XKR9: variants seen among roughly 807,000 people sequenced by gnomAD.
The protein encoded by XKR9 is XK-related protein 9.
In XKR9, 32 loss-of-function variants were observed where a neutral mutation model predicts 32.0. The observed-to-expected ratio is 1.00, with a 90% CI of 0.76 to 1.34. The LOEUF (loss-of-function observed/expected upper bound fraction) is 1.34, where lower values mean the gene tolerates loss of function less well. Ranked by LOEUF, XKR9 falls within the 40% of genes most tolerant of loss-of-function variation. The pLI, the probability that XKR9 is intolerant of heterozygous loss-of-function variation, is 0.00. For synonymous variants in XKR9, 168 were observed against 143.4 expected, an observed-to-expected ratio of 1.17 and a Z score of -1.22; for missense variants, 546 against 429.7, an observed-to-expected ratio of 1.27 and a Z score of -2.39.
chr8:70,871,725 G>C, the XKR9 span, among the ~76,000 whole-genome samples: 1 of 152,006 alleles, frequency 6.6e-6, no homozygotes, highest in Non-Finnish European at 1.5e-5. Context: ...CCATACAATG[G>C]CCTATAAGTA....
chr8:70,951,512 T>C, the XKR9 span, among the ~76,000 whole-genome samples: 1 of 152,256 alleles, frequency 6.6e-6, no homozygotes, highest in East Asian at 1.9e-4. Flanking sequence ...CTTGAGCTCA[T>C]CATATTTACA....
chr8:70,745,576 A>C (rs1807047405), intron 2 of XKR9, among the ~76,000 whole-genome samples: 1 of 152,058 alleles, frequency 6.6e-6, no homozygotes, highest in Non-Finnish European at 1.5e-5. Context: ...TAGGGCTTGA[A>C]ATTTGCGTGT....
intron 3 of XKR9, among the ~76,000 whole-genome samples, chr8:70,697,352 T>G (rs373178114): frequency 2.2e-5 from 3 of 134,764 alleles, no homozygotes; most frequent in Admixed American, 7.4e-5. Flanking sequence ...TTTTGAGATA[T>G]GTCCCATCAA....
intron 2 of XKR9, among the ~76,000 whole-genome samples, chr8:70,780,355 A>G (rs1027709001): frequency 2.0e-5 from 3 of 152,074 alleles, no homozygotes; most frequent in Non-Finnish European, 4.4e-5. Flanking sequence ...CTTTTCTAAT[A>G]TAACCATTTA....
rs147819305 is a variant in XKR9 at position 70,706,950 on chromosome 8, A to G, written c.290A>G (p.Lys97Arg). Reference sequence around the variant, plus strand: ...CTTTATAGGTATTGGTTTGCCTTAAAAAGGGGTTACCATGCAGCTTTTAAA... The same window carrying G: ...CTTTATAGGTATTGGTTTGCCTTAAGAAGGGGTTACCATGCAGCTTTTAAA... ...GVFTRYWFAL[K>R]RGYHAAFKYD... The change falls in exon 4 of 5, where the codon AAA (lysine) becomes AGA (arginine). Residue 97 changes from lysine (K) to arginine (R), a missense_variant. Transcript: ENST00000408926. 1.8e-5 allele frequency: 29 copies of G among 1,612,212 alleles called. No homozygotes were observed. The highest frequency in any genetic ancestry group is 2.4e-5 in the Non-Finnish European group (28 of 1,178,910).
chr8:70,943,765 G>A, the XKR9 span, among the ~76,000 whole-genome samples: 254 of 152,110 alleles, frequency 1.7e-3, no homozygotes, highest in Non-Finnish European at 2.6e-3. Context: ...TTATGAAAAC[G>A]TTTAGAAATC....
the XKR9 span, among the ~76,000 whole-genome samples, chr8:70,987,196 T>C: frequency 6.6e-6 from 1 of 152,152 alleles, no homozygotes; most frequent in Non-Finnish European, 1.5e-5. Context: ...CCAAATCTCA[T>C]GTCCTCATAT....
the XKR9 span, among the ~76,000 whole-genome samples, chr8:70,946,908 A>G: frequency 6.6e-6 from 1 of 152,190 alleles, no homozygotes; most frequent in Non-Finnish European, 1.5e-5. Context: ...AAGTTTTAAT[A>G]TGGAATGGGT....
the XKR9 span, among the ~76,000 whole-genome samples, chr8:71,011,422 A>G: frequency 6.6e-6 from 1 of 152,216 alleles, no homozygotes; most frequent in Non-Finnish European, 1.5e-5. Flanking sequence ...AAAAAAGACA[A>G]AATCTTAGTG....
chr8:70,980,813 G>T, the XKR9 span, among the ~76,000 whole-genome samples: 1 of 152,092 alleles, frequency 6.6e-6, no homozygotes, highest in Non-Finnish European at 1.5e-5. Flanking sequence ...CCTTTTAACC[G>T]TTCTTGTAGT....
At chr8:71,005,348 G>A in the XKR9 span, among the ~76,000 whole-genome samples, 1 of 151,188 alleles carries the variant, frequency 6.6e-6, no homozygotes, top group East Asian at 2.0e-4. Context: ...TTAGCCTCCT[G>A]AGTAGCTGGG....
chr8:70,680,909 C>A lies in XKR9; in HGVS notation c.-150C>A. ...CACTTTAGTGTTAGTGTTCCCATTT[C>A]ATAATATTTATTCTTTCTTCTAAAT... is the stretch of plus-strand genomic sequence containing the variant. On this transcript the variant is annotated 5_prime_UTR_variant, in exon 3 of 5. Coordinates refer to ENST00000408926, the MANE Select transcript of XKR9 (RefSeq NM_001011720.2). 1 of 690,892 alleles carries A rather than the reference C, an allele frequency of 1.4e-6. No individual in the cohort carries two copies. Among genetic ancestry groups the A allele is most frequent in the Admixed American group, 3.3e-5 (1 of 30,118 alleles). 42.8% of individuals were successfully genotyped at this position (690,892 alleles called of 1,614,324 possible). A position where few individuals can be genotyped will look rare whatever the true frequency, so the allele number is the denominator to read the frequency against.
At chr8:70,802,303 G>C in the XKR9 span, among the ~76,000 whole-genome samples, 1 of 152,082 alleles carries the variant, frequency 6.6e-6, no homozygotes, top group Non-Finnish European at 1.5e-5. Context: ...ATCAACTCCT[G>C]CTTTTTTTCT....
intron 3 of XKR9, among the ~76,000 whole-genome samples, chr8:70,691,596 G>T (rs1805072454): frequency 6.6e-6 from 1 of 152,164 alleles, no homozygotes; most frequent in African/African-American, 2.4e-5. Flanking sequence ...TGTATATGGT[G>T]TAAGGAAGAG....
chr8:70,958,889 CATT>C, the XKR9 span, among the ~76,000 whole-genome samples: 1 of 151,846 alleles, frequency 6.6e-6, no homozygotes, highest in African/African-American at 2.4e-5. Flanking sequence ...TTCATAGTAT[CATT>C]TTGAGGAGTA....
the XKR9 span, among the ~76,000 whole-genome samples, chr8:70,912,615 AAATG>A: frequency 2.0e-5 from 3 of 152,166 alleles, no homozygotes; most frequent in Non-Finnish European, 4.4e-5. Context: ...AGGCATAGTT[AAATG>A]AATATTTTCA....
At chr8:70,701,362 T>G (rs1451289844) in intron 3 of XKR9, among the ~76,000 whole-genome samples, 1 of 152,202 alleles carries the variant, frequency 6.6e-6, no homozygotes, top group East Asian at 1.9e-4. Flanking sequence ...TGTTTTTCTT[T>G]GTTCTCTGTA....
At chr8:70,811,685 A>T in the XKR9 span, among the ~76,000 whole-genome samples, 11 of 152,262 alleles carry the variant, frequency 7.2e-5, no homozygotes, top group Non-Finnish European at 1.5e-4. Flanking sequence ...AAACTAGAAA[A>T]TCTAGAAGAA....
chr8:70,786,783 A>G (rs1370203835), intron 2 of XKR9, among the ~76,000 whole-genome samples: 1 of 152,090 alleles, frequency 6.6e-6, no homozygotes, highest in African/African-American at 2.4e-5. Context: ...ATCATTAGGT[A>G]AGGACCTACT....
Sources: allele counts gnomAD v4.1 joint callset (sites outside exome capture counted in the v4.1 genomes callset), GRCh38; gene constraint gnomAD v4.1.1; transcripts MANE v1.5; gene names NCBI Gene and HGNC (gene_info 2026-07-23, HGNC 2026-07-21).